CCSER1: variants seen among roughly 807,000 people sequenced by gnomAD.
CCSER1 encodes serine-rich coiled-coil domain-containing protein 1.
Under a neutral mutation model 82.0 loss-of-function variants are expected in CCSER1, and 41 were observed. That is an observed-to-expected ratio of 0.50 (90% CI 0.39 to 0.65). The LOEUF is 0.65. CCSER1 is among the 30% of genes least tolerant of loss of function. The pLI is 0.00. For synonymous variants in CCSER1, 414 were observed against 383.9 expected (o/e 1.08, Z -0.92); for missense variants, 1,119 against 1,064.2 (o/e 1.05, Z -0.72).
At chr4:91,309,389 C>T (rs1745292827) in intron 10 of CCSER1, among the ~76,000 whole-genome samples, 1 of 151,964 alleles carries the variant, frequency 6.6e-6, no homozygotes, top group African/African-American at 2.4e-5. Flanking sequence ...CACGCACGTG[C>T]TCACATGAAT....
intron 7 of CCSER1, among the ~76,000 whole-genome samples, chr4:90,729,510 TGAG>T (rs565922934): frequency 1.6e-3 from 250 of 152,250 alleles, no homozygotes; most frequent in African/African-American, 5.8e-3. Flanking sequence ...GAATTTGTCT[TGAG>T]GGAAAACTGG....
intron 9 of CCSER1, among the ~76,000 whole-genome samples, chr4:91,041,170 G>T (rs765689746): frequency 7.2e-5 from 11 of 152,136 alleles, no homozygotes; most frequent in Non-Finnish European, 1.3e-4. Flanking sequence ...AATGGGCTTT[G>T]TTACACAATT....
intron 9 of CCSER1, among the ~76,000 whole-genome samples, chr4:91,047,755 T>C (rs1294980981): frequency 2.0e-5 from 3 of 152,164 alleles, no homozygotes; most frequent in Non-Finnish European, 4.4e-5. Context: ...GTAGCAGGTG[T>C]CCAGTGAAAG....
At chr4:90,233,386 C>T (rs1399940118) in intron 1 of CCSER1, among the ~76,000 whole-genome samples, 1 of 152,004 alleles carries the variant, frequency 6.6e-6, no homozygotes, top group Non-Finnish European at 1.5e-5. Flanking sequence ...AAAAACCCAA[C>T]ACCGCATATT....
At chr4:91,058,638 A>G (rs1743664150) in intron 9 of CCSER1, among the ~76,000 whole-genome samples, 1 of 152,038 alleles carries the variant, frequency 6.6e-6, no homozygotes, top group Non-Finnish European at 1.5e-5. Context: ...ACTATTACTC[A>G]TTCTCTGGTC....
chr4:90,766,064 G>T (rs1157563297), intron 7 of CCSER1, among the ~76,000 whole-genome samples: 1 of 152,126 alleles, frequency 6.6e-6, no homozygotes, highest in Non-Finnish European at 1.5e-5. Context: ...GTGTGTGTGT[G>T]TATGTGTCTG....
At chr4:91,358,066 T>C (rs1274086380) in intron 10 of CCSER1, among the ~76,000 whole-genome samples, 3 of 152,122 alleles carry the variant, frequency 2.0e-5, no homozygotes, top group Non-Finnish European at 4.4e-5. Context: ...TCCTTTGCTA[T>C]TAATAAGACC....
At position 90,414,365 on chromosome 4, in the gene CCSER1, T is replaced by C. The variant is rs142964555; in HGVS notation, c.1603+14236T>C. On this transcript the variant is annotated intron_variant, in intron 4 of 10. Transcript: ENST00000509176. Reference sequence around the variant, plus strand: ...AATGTTTTCTGGAAACCATTTTTTGTGAAATAATACACATTATGTTTCAAA... The same window carrying C: ...AATGTTTTCTGGAAACCATTTTTTGCGAAATAATACACATTATGTTTCAAA... 6.7e-3 allele frequency among the ~76,000 whole-genome samples: 1,014 copies of C among 152,102 alleles called. 2 individuals carry two copies. The highest frequency in any genetic ancestry group is 0.012 in the Non-Finnish European group (790 of 67,968).
chr4:90,589,680 C>T (rs1235390089), intron 5 of CCSER1, among the ~76,000 whole-genome samples: 1 of 152,018 alleles, frequency 6.6e-6, no homozygotes, highest in East Asian at 1.9e-4. Flanking sequence ...ACATGTTCCT[C>T]TCATTCTTCA....
chr4:90,142,976 T>G (rs1271021897), intron 1 of CCSER1, among the ~76,000 whole-genome samples: 2 of 152,174 alleles, frequency 1.3e-5, no homozygotes, highest in African/African-American at 4.8e-5. Flanking sequence ...TTCGGCAAAT[T>G]TACATGAAAT....
intron 9 of CCSER1, among the ~76,000 whole-genome samples, chr4:90,940,659 T>C (rs1051551901): frequency 3.3e-5 from 5 of 152,100 alleles, no homozygotes; most frequent in Non-Finnish European, 7.4e-5. Flanking sequence ...ACAAGAGACA[T>C]CAGTATTTAT....
At chr4:90,609,906 T>C (rs1215755244) in intron 5 of CCSER1, among the ~76,000 whole-genome samples, 2 of 152,200 alleles carry the variant, frequency 1.3e-5, no homozygotes, top group Non-Finnish European at 2.9e-5. Context: ...TATTGATTAC[T>C]GTAATTTGGA....
intron 10 of CCSER1, among the ~76,000 whole-genome samples, chr4:91,302,917 C>T (rs912237856): frequency 4.6e-5 from 7 of 151,530 alleles, no homozygotes; most frequent in South Asian, 2.1e-4. Context: ...TAATTTTTGA[C>T]GTTTTGCCCT....
At chr4:91,294,503 A>G (rs901031052) in intron 10 of CCSER1, among the ~76,000 whole-genome samples, 5 of 151,806 alleles carry the variant, frequency 3.3e-5, no homozygotes, top group Non-Finnish European at 7.4e-5. Flanking sequence ...GTGGCTTAAA[A>G]CAACACAAAT....
In CCSER1 at chr4:91,184,826, A is replaced by T. The variant is rs58001376; in HGVS notation, c.2217+98832A>T. ...GGACATACCTCATTTCATGCATTGT[A>T]TGTTGATTTTTAGGGCTATATAATT... On this transcript the variant is annotated intron_variant, in intron 10 of 10. Transcript: ENST00000509176. Among the ~76,000 whole-genome samples the T allele has an allele frequency of 7.8e-3, 1,186 of 152,156 alleles. 90 individuals carry two copies. The East Asian group carries it at 0.19, about 24-fold the overall frequency.
intron 5 of CCSER1, among the ~76,000 whole-genome samples, chr4:90,556,573 CATATATTTTGTATGTTAT>C (rs1333310337): frequency 6.6e-6 from 1 of 151,744 alleles, no homozygotes; most frequent in Non-Finnish European, 1.5e-5. Flanking sequence ...AATTGATTAA[CATATATTTTGTATGTTAT>C]ATATATTATA....
chr4:91,390,921 C>A (rs1751607018), intron 10 of CCSER1, among the ~76,000 whole-genome samples: 2 of 151,988 alleles, frequency 1.3e-5, no homozygotes, highest in Non-Finnish European at 2.9e-5. Context: ...GTAGTTATAT[C>A]TCCTATCTCA....
chr4:90,948,801 C>T (rs1732565531), intron 9 of CCSER1, among the ~76,000 whole-genome samples: 1 of 151,902 alleles, frequency 6.6e-6, no homozygotes, highest in East Asian at 1.9e-4. Context: ...CACATGAATT[C>T]ACATGATTTT....
chr4:91,423,470 A>G (rs994037427), intron 10 of CCSER1, among the ~76,000 whole-genome samples: 1 of 152,062 alleles, frequency 6.6e-6, no homozygotes, highest in African/African-American at 2.4e-5. Flanking sequence ...GAAAAAGAAT[A>G]TAAGCATAAT....
Sources: gnomAD v4.1 joint callset for allele counts (sites outside exome capture counted in the v4.1 genomes callset) on GRCh38, gnomAD v4.1.1 for gene constraint, MANE v1.5 for transcripts, NCBI Gene and HGNC (gene_info 2026-07-23, HGNC 2026-07-21) for gene names.